The following SLC24A2 variants were observed in gnomAD, a reference collection of about 807,000 sequenced individuals.
SLC24A2 encodes the protein sodium/potassium/calcium exchanger 2.
A neutral mutation model predicts 62.0 loss-of-function variants in SLC24A2; 36 were observed. That is an observed-to-expected ratio of 0.58 (90% CI 0.44 to 0.77). The LOEUF is 0.77. Ranked by LOEUF, SLC24A2 falls within the 30% of genes least tolerant of loss-of-function variation. SLC24A2 has a pLI of 0.00. For synonymous variants in SLC24A2, 358 were observed against 294.0 expected, an observed-to-expected ratio of 1.22 and a Z score of -2.23; for missense variants, 846 against 817.9, an observed-to-expected ratio of 1.03 and a Z score of -0.42.
chr9:19,914,853 C>A, the SLC24A2 span, among the ~76,000 whole-genome samples: 1 of 152,078 alleles, frequency 6.6e-6, no homozygotes, highest in Non-Finnish European at 1.5e-5. Flanking sequence ...TAGCCAGAAT[C>A]TGGCCACATA....
chr9:19,604,091 A>G (rs1375206681), intron 4 of SLC24A2, among the ~76,000 whole-genome samples: 1 of 152,246 alleles, frequency 6.6e-6, no homozygotes, highest in African/African-American at 2.4e-5. Context: ...GTATGCGTTC[A>G]ACAAATGCTG....
At chr9:20,233,635 G>A in the SLC24A2 span, among the ~76,000 whole-genome samples, 2 of 152,116 alleles carry the variant, frequency 1.3e-5, no homozygotes, top group African/African-American at 4.8e-5. Flanking sequence ...CACATGAGAT[G>A]GGTTTCCTGA....
chr9:19,700,432 A>G (rs749622388), intron 2 of SLC24A2, among the ~76,000 whole-genome samples: 5 of 152,194 alleles, frequency 3.3e-5, no homozygotes, highest in Non-Finnish European at 7.4e-5. Flanking sequence ...CATATTATTT[A>G]CTTTGTTTTT....
intron 8 of SLC24A2, among the ~76,000 whole-genome samples, chr9:19,542,386 CAG>C (rs1265329168): frequency 6.6e-5 from 10 of 152,286 alleles, no homozygotes; most frequent in Admixed American, 2.6e-4. Context: ...CATCTGCAAA[CAG>C]AGACAATTTG....
chr9:20,170,857 G>A, the SLC24A2 span, among the ~76,000 whole-genome samples: 79 of 152,136 alleles, frequency 5.2e-4, no homozygotes, highest in African/African-American at 1.7e-3. Context: ...AATACAAGAA[G>A]CTCAAAGAAC....
the SLC24A2 span, among the ~76,000 whole-genome samples, chr9:20,129,177 C>T: frequency 6.6e-6 from 1 of 152,024 alleles, no homozygotes; most frequent in African/African-American, 2.4e-5. Flanking sequence ...AAGTGGTCAG[C>T]AAGCTCATGA....
the SLC24A2 span, among the ~76,000 whole-genome samples, chr9:19,908,980 A>G: frequency 2.8e-4 from 42 of 152,104 alleles, no homozygotes; most frequent in African/African-American, 9.7e-4. Context: ...TCCCATTACT[A>G]GGTATATACC....
At chr9:19,809,987 A>C in the SLC24A2 span, among the ~76,000 whole-genome samples, 4 of 152,112 alleles carry the variant, frequency 2.6e-5, no homozygotes, top group Non-Finnish European at 5.9e-5. Context: ...TACCCCAGAC[A>C]ACGCAGCCAC....
rs535376673 is a variant in SLC24A2, at chr9:19,650,198, G to T, written c.931-27899C>A. Among the ~76,000 whole-genome samples, 9 of 152,338 alleles carry T rather than the reference G, an allele frequency of 5.9e-5. No individual in the cohort carries two copies. The South Asian group carries it at 1.9e-3, about 32-fold the overall frequency. ...TTTATTGGCAGATTCTTTGGCAACAGACTCGAAAGCTGAAAATGTAAGAAA... is the reference window on the plus strand; with the variant it reads ...TTTATTGGCAGATTCTTTGGCAACATACTCGAAAGCTGAAAATGTAAGAAA... On this transcript the variant is annotated intron_variant, in intron 2 of 10. Transcript: ENST00000341998.
At chr9:19,608,361 A>G (rs902123474) in intron 4 of SLC24A2, among the ~76,000 whole-genome samples, 2 of 151,596 alleles carry the variant, frequency 1.3e-5, no homozygotes, top group Admixed American at 6.6e-5. Flanking sequence ...AAGCTCTGGT[A>G]TTTGGTGAGA....
chr9:19,531,629 A>G (rs1405356334), intron 8 of SLC24A2, among the ~76,000 whole-genome samples: 1 of 152,064 alleles, frequency 6.6e-6, no homozygotes, highest in Admixed American at 6.6e-5. Flanking sequence ...ACTGATTTAA[A>G]TTCAACAAAT....
the SLC24A2 span, among the ~76,000 whole-genome samples, chr9:19,893,393 C>A: frequency 3.9e-5 from 6 of 152,152 alleles, no homozygotes; most frequent in African/African-American, 1.4e-4. Context: ...GCCTCAACAC[C>A]ACACATCTTG....
intron 2 of SLC24A2, among the ~76,000 whole-genome samples, chr9:19,631,469 A>G (rs569372282): frequency 6.6e-6 from 1 of 152,220 alleles, no homozygotes; most frequent in East Asian, 1.9e-4. Context: ...TCATTTCACA[A>G]CGCTCCCAAC....
the SLC24A2 span, among the ~76,000 whole-genome samples, chr9:20,104,044 T>A: frequency 6.6e-6 from 1 of 152,024 alleles, no homozygotes; most frequent in East Asian, 1.9e-4. Context: ...AAGAACTACA[T>A]GAAGAATGCA....
chr9:20,009,188 G>C, the SLC24A2 span, among the ~76,000 whole-genome samples: 1 of 152,072 alleles, frequency 6.6e-6, no homozygotes, highest in African/African-American at 2.4e-5. Flanking sequence ...GCTCACTCCA[G>C]TCTCATCCTA....
chr9:20,229,652 T>C, the SLC24A2 span, among the ~76,000 whole-genome samples: 1 of 152,198 alleles, frequency 6.6e-6, no homozygotes, highest in East Asian at 1.9e-4. Context: ...GCTCTCATTA[T>C]ACTATTACTT....
the SLC24A2 span, among the ~76,000 whole-genome samples, chr9:19,822,323 A>G: frequency 6.6e-6 from 1 of 152,268 alleles, no homozygotes; most frequent in African/African-American, 2.4e-5. Context: ...CTTGTCACCT[A>G]TGGACCAGAC....
rs1170406041 is a variant in SLC24A2 at position 19,591,655 on chromosome 9, T to C, written c.1129+5574A>G. On this transcript the variant is annotated intron_variant, in intron 5 of 10. Coordinates refer to ENST00000341998, the MANE Select transcript of SLC24A2 (RefSeq NM_020344.4). ...GGCCAGAGCTCAACAGCCACCATCT[T>C]GGACCATGAGGTGCCCTTGAGGTTA... is the stretch of plus-strand genomic sequence containing the variant. Among the ~76,000 whole-genome samples, 9 of 152,204 alleles carry C rather than the reference T, an allele frequency of 5.9e-5. No homozygotes were observed. The South Asian group carries it at 1.2e-3, about 21-fold the overall frequency.
intron 9 of SLC24A2, among the ~76,000 whole-genome samples, chr9:19,521,497 C>T (rs1405453906): frequency 6.6e-6 from 1 of 152,190 alleles, no homozygotes; most frequent in Non-Finnish European, 1.5e-5. Context: ...CTCCATTCTC[C>T]TTTAGCATCT....
Sources: gnomAD v4.1 joint callset for allele counts (sites outside exome capture counted in the v4.1 genomes callset) on GRCh38, gnomAD v4.1.1 for gene constraint, MANE v1.5 for transcripts, NCBI Gene and HGNC (gene_info 2026-07-23, HGNC 2026-07-21) for gene names.